Variants in ATP6V1H observed in about 807,000 individuals in gnomAD.
ATP6V1H encodes the protein V-type proton ATPase subunit H.
Under a neutral mutation model 71.7 loss-of-function variants are expected in ATP6V1H, and 39 were observed. That is an observed-to-expected ratio of 0.54 (90% confidence interval 0.42 to 0.71). ATP6V1H has a LOEUF of 0.71. Ranked by LOEUF, ATP6V1H falls within the 30% of genes least tolerant of loss-of-function variation. The pLI, the probability that ATP6V1H is intolerant of heterozygous loss-of-function variation, is 0.00. For missense variants in ATP6V1H, 509 were observed against 594.9 expected, an observed-to-expected ratio of 0.86 and a Z score of 1.50; for synonymous variants, 192 against 199.3, an observed-to-expected ratio of 0.96 and a Z score of 0.31.
chr8:53,837,637 C>T (rs1811202005), intron 2 of ATP6V1H, among the ~76,000 whole-genome samples: 2 of 152,014 alleles, frequency 1.3e-5, no homozygotes, highest in Non-Finnish European at 2.9e-5. Flanking sequence ...CTGAGGTTTG[C>T]TATGTGAGAA....
chr8:53,745,989 C>T lies in ATP6V1H; in HGVS notation c.1278-2299G>A, dbSNP rs562709814. Among the ~76,000 whole-genome samples, 23 of 151,562 alleles carry T rather than the reference C, an allele frequency of 1.5e-4. No homozygotes were observed. In the South Asian group the frequency reaches 4.4e-3, roughly 29 times the overall value. ...TTCTGGAACCTGTGAATAATGAGGACCAAATACAATCTCAGAAAACTGCCA... is the reference window on the plus strand; with the variant it reads ...TTCTGGAACCTGTGAATAATGAGGATCAAATACAATCTCAGAAAACTGCCA... On this transcript the variant is annotated intron_variant, in intron 12 of 13. Coordinates refer to ENST00000359530, the MANE Select transcript of ATP6V1H (RefSeq NM_015941.4).
intron 13 of ATP6V1H, among the ~76,000 whole-genome samples, chr8:53,728,197 G>A (rs1020959889): frequency 2.6e-5 from 4 of 152,072 alleles, no homozygotes; most frequent in Non-Finnish European, 4.4e-5. Context: ...ACTCCTTAAT[G>A]TGACAAGGAA....
At chr8:53,733,418 C>T (rs1807095166) in intron 13 of ATP6V1H, among the ~76,000 whole-genome samples, 1 of 152,206 alleles carries the variant, frequency 6.6e-6, no homozygotes, top group African/African-American at 2.4e-5. Context: ...GAGACCCAGG[C>T]TGTGTGTTGC....
chr8:53,802,860 A>C (rs1809958096), intron 7 of ATP6V1H, among the ~76,000 whole-genome samples: 1 of 152,226 alleles, frequency 6.6e-6, no homozygotes, highest in Non-Finnish European at 1.5e-5. Flanking sequence ...AAAGACTATG[A>C]TTTTTAAAAC....
At position 53,792,571 on chromosome 8, in the gene ATP6V1H, T is replaced by C. The variant is rs549780742; in HGVS notation, c.870+3076A>G. ...CCTTTTCACGTTTCCCCCTTTTTAA[T>C]GCCAGTCTTAAGGTTCCTGAGAAAA... is the stretch of plus-strand genomic sequence containing the variant. On this transcript the variant is annotated intron_variant, in intron 9 of 13. Coordinates refer to ENST00000359530, the MANE Select transcript of ATP6V1H (RefSeq NM_015941.4). Among the ~76,000 whole-genome samples, 3 of 152,296 alleles carry C rather than the reference T, an allele frequency of 2.0e-5. No individual in the cohort carries two copies. In the South Asian group the frequency reaches 6.2e-4, roughly 32 times the overall value.
chr8:53,814,224 C>T (rs1011187023), intron 6 of ATP6V1H, among the ~76,000 whole-genome samples: 4 of 152,114 alleles, frequency 2.6e-5, no homozygotes, highest in African/African-American at 9.7e-5. Context: ...CTTGGTGGTT[C>T]ACAATCCTGG....
rs768150591 is a variant in ATP6V1H, at chr8:53,787,397, G to C, written c.870+8250C>G. ...CACACAGACTAGAGCTAGCCTCTTT[G>C]AAAGGGTTATGAGTATGAACTGCCT... On this transcript the variant is annotated intron_variant, in intron 9 of 13. Coordinates refer to ENST00000359530, the MANE Select transcript of ATP6V1H (RefSeq NM_015941.4). 3.5e-4 allele frequency among the ~76,000 whole-genome samples: 53 copies of C among 152,216 alleles called. 1 individual carries two copies. The highest frequency in any genetic ancestry group is 1.2e-3 in the Admixed American group (18 of 15,284).
chr8:53,740,755 C>T (rs1056297982), intron 13 of ATP6V1H, among the ~76,000 whole-genome samples: 1 of 152,086 alleles, frequency 6.6e-6, no homozygotes, highest in Non-Finnish European at 1.5e-5. Context: ...GGTATTGATC[C>T]AAACTTCTTT....
At chr8:53,776,807 A>G (rs1808907374) in intron 9 of ATP6V1H, among the ~76,000 whole-genome samples, 1 of 152,206 alleles carries the variant, frequency 6.6e-6, no homozygotes, top group African/African-American at 2.4e-5. Flanking sequence ...ATGACCAAAG[A>G]AAAAAACGGT....
In ATP6V1H at chr8:53,784,693, G is replaced by T. The variant is rs554277884; in HGVS notation, c.870+10954C>A. ...GCTGGTACCGGTTGTTCCTTTCGAT[G>T]TTTAGTGCTTCCTTCAGGAGCTCTT... On this transcript the variant is annotated intron_variant, in intron 9 of 13. Transcript: ENST00000359530. Among the ~76,000 whole-genome samples the T allele has an allele frequency of 3.0e-3, 459 of 152,254 alleles. 3 individuals carry two copies. The highest frequency in any genetic ancestry group is 0.011 in the African/African-American group (436 of 41,514).
At chr8:53,747,526 C>CTTT (rs577089626) in intron 12 of ATP6V1H, among the ~76,000 whole-genome samples, 19 of 142,140 alleles carry the variant, frequency 1.3e-4, no homozygotes, top group East Asian at 4.1e-4. Flanking sequence ...AGAGAAAGCT[C>CTTT]TTTTTTTTTT....
intron 3 of ATP6V1H, chr8:53,831,915 C>T (rs1811020732): frequency 6.6e-6 from 1 of 151,298 alleles, no homozygotes; most frequent in Non-Finnish European, 1.5e-5. Context: ...TTGCACTTCT[C>T]GAATTAATTA....
chr8:53,839,267 T>C (rs1181600672), intron 2 of ATP6V1H, among the ~76,000 whole-genome samples: 3 of 152,126 alleles, frequency 2.0e-5, no homozygotes, highest in Non-Finnish European at 4.4e-5. Flanking sequence ...TATAAACAGA[T>C]CCAGGCTTTA....
intron 9 of ATP6V1H, among the ~76,000 whole-genome samples, chr8:53,792,122 A>C (rs1457359252): frequency 6.6e-6 from 1 of 152,206 alleles, no homozygotes; most frequent in Non-Finnish European, 1.5e-5. Flanking sequence ...TTTTAGCTGG[A>C]CTGAAATTTA....
chr8:53,766,437 A>G (rs1808469308), intron 11 of ATP6V1H, among the ~76,000 whole-genome samples: 1 of 152,210 alleles, frequency 6.6e-6, no homozygotes, highest in African/African-American at 2.4e-5. Context: ...ATTGTACAGC[A>G]TGTGTGTTTG....
chr8:53,834,053 A>G (rs1286108994), intron 2 of ATP6V1H, among the ~76,000 whole-genome samples: 2 of 152,186 alleles, frequency 1.3e-5, no homozygotes, highest in East Asian at 1.9e-4. Flanking sequence ...TTCCTTGTCT[A>G]AAAGATGTGT....
At chr8:53,800,594 C>T (rs932444633) in intron 8 of ATP6V1H, among the ~76,000 whole-genome samples, 11 of 151,992 alleles carry the variant, frequency 7.2e-5, no homozygotes, top group Non-Finnish European at 1.6e-4. Flanking sequence ...TTTCTAAGGA[C>T]AAAAAGGAAA....
At chr8:53,824,377 C>T (rs1259448974) in intron 4 of ATP6V1H, among the ~76,000 whole-genome samples, 1 of 152,038 alleles carries the variant, frequency 6.6e-6, no homozygotes, top group Non-Finnish European at 1.5e-5. Flanking sequence ...TTTTATCAAG[C>T]AAGTATAATG....
At chr8:53,778,593 G>A (rs955881729) in intron 9 of ATP6V1H, among the ~76,000 whole-genome samples, 2 of 152,140 alleles carry the variant, frequency 1.3e-5, no homozygotes, top group Admixed American at 1.3e-4. Context: ...AGGTCATTAT[G>A]TTAAGTAAAA....
Sources: gnomAD v4.1 joint callset for allele counts (sites outside exome capture counted in the v4.1 genomes callset) on GRCh38, gnomAD v4.1.1 for gene constraint, MANE v1.5 for transcripts, NCBI Gene and HGNC (gene_info 2026-07-23, HGNC 2026-07-21) for gene names.